The following OSBPL9 variants were observed in gnomAD, a reference collection of about 807,000 sequenced individuals.
OSBPL9 encodes oxysterol binding protein like 9.
Under a neutral mutation model 106.6 loss-of-function variants are expected in OSBPL9, and 40 were observed. The observed-to-expected ratio is 0.38, with a 90% CI of 0.29 to 0.49. The LOEUF (loss-of-function observed/expected upper bound fraction) is 0.49, where lower values mean the gene tolerates loss of function less well. Among genes scored for constraint, OSBPL9 ranks in the 20% least tolerant of loss-of-function variants. The probability of loss-of-function intolerance (pLI) is 0.97; values close to 1 mark genes in which losing one functional copy is unlikely to be tolerated. For missense variants in OSBPL9, 609 were observed against 887.2 expected, an observed-to-expected ratio of 0.69 and a Z score of 3.98; for synonymous variants, 269 against 295.4, an observed-to-expected ratio of 0.91 and a Z score of 0.92.
At chr1:51,613,633 CAG>C (rs1644004527), upstream of OSBPL9, among the ~76,000 whole-genome samples, 1 of 151,958 alleles carries the variant, frequency 6.6e-6, no homozygotes, top group Non-Finnish European at 1.5e-5. Context: ...CAAAAAGAAA[CAG>C]AAATGGCTTT....
chr1:51,722,200 T>TAGATAGAC, intron 4 of OSBPL9, among the ~76,000 whole-genome samples: 1 of 151,462 alleles, frequency 6.6e-6, no homozygotes, highest in South Asian at 2.1e-4. Flanking sequence ...GATAGATAGA[T>TAGATAGAC]AGATAGAAGT....
intron 3 of OSBPL9, among the ~76,000 whole-genome samples, chr1:51,693,217 T>TA (rs956487750): frequency 6.0e-5 from 9 of 151,002 alleles, no homozygotes; most frequent in South Asian, 4.2e-4. Context: ...CTACAAAAAA[T>TA]AAAAAAAATT....
chr1:51,653,553 A>G (rs755553244), intron 2 of OSBPL9, among the ~76,000 whole-genome samples: 1 of 152,238 alleles, frequency 6.6e-6, no homozygotes, highest in Admixed American at 6.5e-5. Flanking sequence ...ACGTGCCCCA[A>G]TTAAATAAAT....
At chr1:51,599,676 A>G (rs757662335) in intron 2 of OSBPL9, among the ~76,000 whole-genome samples, 36 of 152,096 alleles carry the variant, frequency 2.4e-4, no homozygotes, top group Non-Finnish European at 2.4e-4. Flanking sequence ...TTTCAGTTCT[A>G]TTTTTCAGAT....
At chr1:51,713,165 T>TAA (rs1241081944) in intron 3 of OSBPL9, among the ~76,000 whole-genome samples, 2 of 152,114 alleles carry the variant, frequency 1.3e-5, no homozygotes, top group Non-Finnish European at 2.9e-5. Context: ...ATTTATTTAT[T>TAA]TTGAGACAGA....
intron 1 of OSBPL9, among the ~76,000 whole-genome samples, chr1:51,650,779 C>T (rs1646467890): frequency 6.6e-6 from 1 of 152,104 alleles, no homozygotes; most frequent in African/African-American, 2.4e-5. Context: ...AGTATTTGTT[C>T]AACTTCCATT....
At chr1:51,524,476 A>G in the OSBPL9 span, among the ~76,000 whole-genome samples, 1 of 152,196 alleles carries the variant, frequency 6.6e-6, no homozygotes, top group African/African-American at 2.4e-5. Context: ...TGCTCATGCT[A>G]TTACAATGAT....
intron 2 of OSBPL9, among the ~76,000 whole-genome samples, chr1:51,653,368 T>A (rs1646636856): frequency 6.6e-6 from 1 of 152,238 alleles, no homozygotes; most frequent in African/African-American, 2.4e-5. Context: ...GACAGAGCAC[T>A]GCAGTTGAAT....
At chr1:51,587,676 G>A (rs1354103668) in intron 1 of OSBPL9, among the ~76,000 whole-genome samples, 1 of 152,184 alleles carries the variant, frequency 6.6e-6, no homozygotes, top group Non-Finnish European at 1.5e-5. Flanking sequence ...CCCCTTGCCT[G>A]TTTACCTTTC....
chr1:51,632,644 A>G (rs1025504115), intron 1 of OSBPL9, among the ~76,000 whole-genome samples: 3 of 152,162 alleles, frequency 2.0e-5, no homozygotes, highest in African/African-American at 7.2e-5. Context: ...TCTTACCTCA[A>G]TGGAAAGCCT....
chr1:51,775,339 C>CT (rs1030172676), intron 14 of OSBPL9, among the ~76,000 whole-genome samples: 55 of 146,412 alleles, frequency 3.8e-4, no homozygotes, highest in South Asian at 4.4e-4. Context: ...CTTTCCTTGT[C>CT]TTTTTTTTTT....
rs1663943731 is a variant in OSBPL9 at position 51,729,882 on chromosome 1, C to G, written c.319-15654C>G. The G allele has an allele frequency of 7.9e-7, 1 of 1,258,224 alleles. No individual in the cohort carries two copies. The highest frequency in any genetic ancestry group is 3.9e-5 in the South Asian group (1 of 25,392). The allele number at this position is 1,258,224 out of a possible 1,614,324, so 77.9% of individuals were successfully genotyped here. Reference sequence around the variant, plus strand: ...AGTCAGGACCGCCTGCACCGCAGTCCGGGGATCGGGTCGAGGGGAGAAGAA... The same window carrying G: ...AGTCAGGACCGCCTGCACCGCAGTCGGGGGATCGGGTCGAGGGGAGAAGAA... On this transcript the variant is annotated intron_variant, in intron 4 of 23. Transcript: ENST00000428468. The surrounding 1 kb of genome is among the most constrained non-coding windows in gnomAD (Gnocchi z 5.1).
chr1:51,604,348 GA>G (rs370284607), intron 2 of OSBPL9, among the ~76,000 whole-genome samples: 165 of 152,222 alleles, frequency 1.1e-3, no homozygotes, highest in African/African-American at 3.6e-3. Context: ...CTGAGGTCAG[GA>G]GTGCAAGGCC....
Position 51,715,594 on chromosome 1 carries a change from A to C in OSBPL9, c.318+1515A>C, listed in dbSNP as rs142890525. On this transcript the variant is annotated intron_variant, in intron 4 of 23. Coordinates refer to ENST00000428468, the MANE Select transcript of OSBPL9 (RefSeq NM_024586.6). ...ACACCTGGCCTAAGAGGGGAGGATAAGTGTTTTAGTGATCATATTAGACTG... is the reference window on the plus strand; with the variant it reads ...ACACCTGGCCTAAGAGGGGAGGATACGTGTTTTAGTGATCATATTAGACTG... Among the ~76,000 whole-genome samples the C allele has an allele frequency of 2.4e-3, 358 of 152,210 alleles. 1 individual carries two copies. The highest frequency in any genetic ancestry group is 8.3e-3 in the African/African-American group (343 of 41,520).
intron 2 of OSBPL9, 24 bp downstream of exon 2, chr1:51,652,065 A>G: frequency 6.4e-7 from 1 of 1,561,184 alleles, no homozygotes; most frequent in Non-Finnish European, 8.7e-7. Context: ...CATTTTTATG[A>G]AAATCAATTT....
intron 2 of OSBPL9, among the ~76,000 whole-genome samples, chr1:51,600,328 T>A (rs544211278): frequency 4.7e-4 from 72 of 152,314 alleles, no homozygotes; most frequent in African/African-American, 1.7e-3. Context: ...GTATGCCTCC[T>A]TGTTCTGTCT....
chr1:51,613,939 C>T (rs1249910524), upstream of OSBPL9, among the ~76,000 whole-genome samples: 1 of 152,020 alleles, frequency 6.6e-6, no homozygotes, highest in Non-Finnish European at 1.5e-5. Flanking sequence ...GACAGGCTCT[C>T]ACTTTGTTGT....
chr1:51,713,888 G>T, intron 3 of OSBPL9, 115 bp from the exon 4 acceptor site: 1 of 755,356 alleles, frequency 1.3e-6, no homozygotes. Context: ...TTAAGGAAAT[G>T]GTACAACTAA....
Position 51,729,705 on chromosome 1 carries a change from A to G in OSBPL9, c.318+15626A>G. ...CAATCGTCTGCCTCTCACCTCCTAC[A>G]GCAGGTGACCCATGGCCAATCGCCA... is the stretch of plus-strand genomic sequence containing the variant. On this transcript the variant is annotated intron_variant, in intron 4 of 23. Transcript: ENST00000428468. This position sits in a 1 kb window ranked among gnomAD's most constrained non-coding sequence, Gnocchi z 5.1. 1.5e-6 allele frequency: 1 copy of G among 658,632 alleles called. No individual in the cohort carries two copies. The highest frequency in any genetic ancestry group is 1.9e-5 in the African/African-American group (1 of 53,498). The allele number at this position is 658,632 out of a possible 1,614,324, so 40.8% of individuals were successfully genotyped here.
Sources: gnomAD v4.1 joint callset for allele counts (sites outside exome capture counted in the v4.1 genomes callset) on GRCh38, gnomAD v4.1.1 for gene constraint, Gnocchi (gnomAD v3.1) non-coding constraint, MANE v1.5 for transcripts, NCBI Gene and HGNC (gene_info 2026-07-23, HGNC 2026-07-21) for gene names.